The following PRPF3 variants were observed in gnomAD, a reference collection of about 807,000 sequenced individuals.
PRPF3 encodes U4/U6 small nuclear ribonucleoprotein Prp3.
In PRPF3, 3 loss-of-function variants were observed where a neutral mutation model predicts 89.2. That is an observed-to-expected ratio of 0.03 (90% CI 0.02 to 0.09). The LOEUF is 0.09. Ranked by LOEUF, PRPF3 falls within the 10% of genes least tolerant of loss-of-function variation. The pLI is 1.00. For synonymous variants in PRPF3, 270 were observed against 289.1 expected, an observed-to-expected ratio of 0.93 and a Z score of 0.67; for missense variants, 463 against 828.8, an observed-to-expected ratio of 0.56 and a Z score of 5.42.
chr1:150,321,947 T>C (rs1655091624), intron 1 of PRPF3, among the ~76,000 whole-genome samples: 2 of 151,982 alleles, frequency 1.3e-5, no homozygotes, highest in Non-Finnish European at 2.9e-5. Context: ...AAGGAATTCC[T>C]TCTGAAGACT....
chr1:150,337,876 A>T (rs587624421), intron 7 of PRPF3, among the ~76,000 whole-genome samples: 13 of 152,126 alleles, frequency 8.5e-5, no homozygotes, highest in African/African-American at 2.7e-4. Flanking sequence ...GGAGTTTGAG[A>T]CCAGGCTGAG....
At chr1:150,336,266 A>G (rs890758993) in intron 7 of PRPF3, among the ~76,000 whole-genome samples, 19 of 152,066 alleles carry the variant, frequency 1.2e-4, no homozygotes, top group Non-Finnish European at 2.6e-4. Context: ...ACAGTTCACA[A>G]TAGGGTTCGC....
At chr1:150,329,474 G>A (rs1422646547) in intron 4 of PRPF3, among the ~76,000 whole-genome samples, 3 of 152,086 alleles carry the variant, frequency 2.0e-5, no homozygotes, top group East Asian at 1.9e-4. Context: ...TACCTATGTC[G>A]TTGAGTCATT....
intron 14 of PRPF3, among the ~76,000 whole-genome samples, chr1:150,348,486 G>C (rs1249469756): frequency 1.2e-4 from 1 of 8,546 alleles, no homozygotes; most frequent in Non-Finnish European, 2.3e-4. Context: ...TTTTGAGATG[G>C]AGTCTTTGCT....
chr1:150,348,459 C>CTTTTTTTTTTTT (rs1553873583), intron 14 of PRPF3, among the ~76,000 whole-genome samples: 19 of 34,796 alleles, frequency 5.5e-4, no homozygotes, highest in South Asian at 1.3e-3. Context: ...TCTACACGTG[C>CTTTTTTTTTTTT]ATTTTTTTTT....
intron 12 of PRPF3, 48 bp downstream of exon 12, chr1:150,344,595 T>G (rs781972168): frequency 1.3e-6 from 2 of 1,590,598 alleles, no homozygotes; most frequent in Admixed American, 3.4e-5. Flanking sequence ...TACTAAAACA[T>G]TTTCCAAGTG....
intron 14 of PRPF3, among the ~76,000 whole-genome samples, chr1:150,347,964 C>T (rs961964746): frequency 6.6e-6 from 1 of 152,058 alleles, no homozygotes; most frequent in Non-Finnish European, 1.5e-5. Context: ...TCACACTATA[C>T]TCAAGGCAAA....
chr1:150,347,176 T>G (rs1560118063), intron 14 of PRPF3, among the ~76,000 whole-genome samples: 1 of 151,836 alleles, frequency 6.6e-6, no homozygotes, highest in Non-Finnish European at 1.5e-5. Context: ...TTTTTTTTTT[T>G]AAGGATTGAA....
At chr1:150,333,724 T>G (rs903890940) in intron 6 of PRPF3, among the ~76,000 whole-genome samples, 2 of 152,212 alleles carry the variant, frequency 1.3e-5, no homozygotes, top group Non-Finnish European at 1.5e-5. Context: ...TAACTGAGAT[T>G]AAGGTTATTC....
At chr1:150,334,756 A>G (rs1656793389) in intron 6 of PRPF3, among the ~76,000 whole-genome samples, 179 bp from the exon 7 acceptor site, 2 of 152,062 alleles carry the variant, frequency 1.3e-5, no homozygotes, top group Non-Finnish European at 2.9e-5. Flanking sequence ...TTTTGTTGAG[A>G]TGCAGTCTCC....
At chr1:150,331,777 A>C (rs906389760) in intron 4 of PRPF3, among the ~76,000 whole-genome samples, 1 of 152,202 alleles carries the variant, frequency 6.6e-6, no homozygotes, top group Non-Finnish European at 1.5e-5. Flanking sequence ...TGCAAAATGT[A>C]AGAGGAGTTG....
chr1:150,340,378 T>C lies in PRPF3; in HGVS notation c.1203-20T>C, dbSNP rs1553869957. On this transcript the variant is annotated intron_variant, in intron 8 of 15. Transcript: ENST00000324862. Reference sequence around the variant, plus strand: ...ATCTCTACCCGCATATCGTGTTTTCTTTTCTTCCTACAATTTTAGTACAGA... The same window carrying C: ...ATCTCTACCCGCATATCGTGTTTTCCTTTCTTCCTACAATTTTAGTACAGA... 6.5e-7 allele frequency: 1 copy of C among 1,541,798 alleles called. No individual in the cohort carries two copies. Among genetic ancestry groups the C allele is most frequent in the Admixed American group, 1.7e-5 (1 of 59,880 alleles).
intron 14 of PRPF3, among the ~76,000 whole-genome samples, chr1:150,347,337 A>G (rs1658391121): frequency 6.6e-6 from 1 of 151,966 alleles, no homozygotes; most frequent in Admixed American, 6.6e-5. Context: ...CAATACACAC[A>G]CATACATGTA....
chr1:150,352,844 A>G lies in PRPF3; in HGVS notation c.1917A>G (p.Lys639=). Residue 639 remains lysine, a synonymous_variant, in exon 16 of 16, where the codon AAA becomes AAG. Coordinates refer to ENST00000324862, the MANE Select transcript of PRPF3 (RefSeq NM_004698.4). ...KCVLVWEGTA[K]DRSFGEMKFK... is the part of the protein sequence containing the mutation. Reference sequence around the variant, plus strand: ...TATCTCTTTTCTAGGGTACAGCCAAAGACCGGAGCTTTGGAGAGATGAAGT... The same window carrying G: ...TATCTCTTTTCTAGGGTACAGCCAAGGACCGGAGCTTTGGAGAGATGAAGT... The G allele has an allele frequency of 6.2e-7, 1 of 1,614,200 alleles. No homozygotes were observed. The highest frequency in any genetic ancestry group is 8.5e-7 in the Non-Finnish European group (1 of 1,180,030).
At chr1:150,341,105 CAAAAAAAA>C (rs71086503) in intron 9 of PRPF3, among the ~76,000 whole-genome samples, 3 of 86,738 alleles carry the variant, frequency 3.5e-5, no homozygotes, top group African/African-American at 8.6e-5. Flanking sequence ...GACCTTGTCT[CAAAAAAAA>C]AAAAAAAAAA....
intron 4 of PRPF3, 115 bp downstream of exon 4, chr1:150,328,581 T>G: frequency 5.3e-5 from 53 of 1,002,834 alleles, no homozygotes; most frequent in Non-Finnish European, 6.0e-5. Context: ...AGGTGGAGTT[T>G]TGCTCTTGTC....
At chr1:150,328,097 T>A (rs1181679525) in intron 3 of PRPF3, 4 of 546,476 alleles carry the variant, frequency 7.3e-6, no homozygotes, top group Non-Finnish European at 1.3e-5. Flanking sequence ...ATGGGAACAT[T>A]TATAAGAACA....
At chr1:150,322,692 T>C (rs587668325) in intron 1 of PRPF3, among the ~76,000 whole-genome samples, 7 of 152,312 alleles carry the variant, frequency 4.6e-5, no homozygotes, top group African/African-American at 1.4e-4. Context: ...TCAAGTCTTA[T>C]AGACTCTAGT....
At chr1:150,322,876 CT>C (rs113626826) in intron 1 of PRPF3, among the ~76,000 whole-genome samples, 2 of 146,364 alleles carry the variant, frequency 1.4e-5, no homozygotes, top group South Asian at 2.1e-4. Context: ...ATTTAGACAC[CT>C]TTTTTTTTTT....
Sources: gnomAD v4.1 joint callset for allele counts (sites outside exome capture counted in the v4.1 genomes callset) on GRCh38, gnomAD v4.1.1 for gene constraint, MANE v1.5 for transcripts, NCBI Gene and HGNC (gene_info 2026-07-23, HGNC 2026-07-21) for gene names.